Variants in TRAPPC12 observed in about 807,000 individuals in gnomAD.
TRAPPC12 encodes the protein TPR repeat protein 15.
Under a neutral mutation model 69.2 loss-of-function variants are expected in TRAPPC12, and 61 were observed. The observed-to-expected ratio is 0.88, with a 90% CI of 0.72 to 1.09. The LOEUF is 1.09. TRAPPC12 is among the 50% of genes least tolerant of loss of function. TRAPPC12 has a pLI of 0.00. For synonymous variants in TRAPPC12, 469 were observed against 438.9 expected, an observed-to-expected ratio of 1.07 and a Z score of -0.86; for missense variants, 1,101 against 1,016.4, an observed-to-expected ratio of 1.08 and a Z score of -1.13.
At chr2:3,425,030 T>C (rs2103061584) in intron 5 of TRAPPC12, among the ~76,000 whole-genome samples, 1 of 152,378 alleles carries the variant, frequency 6.6e-6, no homozygotes, top group South Asian at 2.1e-4. Context: ...GAACCAAACG[T>C]GTCCGTGCAT....
intron 6 of TRAPPC12, chr2:3,456,938 T>TACTTCAA (rs1665185251): frequency 2.8e-6 from 1 of 360,318 alleles, no homozygotes; most frequent in African/African-American, 2.2e-5. Context: ...CCATGTATGA[T>TACTTCAA]GTCTGCAGAT....
chr2:3,417,832 C>T (rs1662511724), intron 3 of TRAPPC12, among the ~76,000 whole-genome samples: 1 of 152,162 alleles, frequency 6.6e-6, no homozygotes, highest in East Asian at 1.9e-4. Context: ...CACCGGAGGT[C>T]AGGAGCTCGA....
intron 5 of TRAPPC12, among the ~76,000 whole-genome samples, chr2:3,426,550 G>C (rs992223176): frequency 2.6e-5 from 4 of 152,262 alleles, no homozygotes; most frequent in African/African-American, 9.6e-5. Flanking sequence ...GGTGGAGGAA[G>C]TGGGGCCAGA....
intron 9 of TRAPPC12, among the ~76,000 whole-genome samples, chr2:3,469,955 A>C (rs1483368771): frequency 6.6e-6 from 1 of 152,228 alleles, no homozygotes; most frequent in African/African-American, 2.4e-5. Flanking sequence ...TCTTATGTGC[A>C]TGGAGATACA....
intron 9 of TRAPPC12, among the ~76,000 whole-genome samples, chr2:3,473,246 C>T (rs1027804018): frequency 5.9e-5 from 9 of 152,006 alleles, no homozygotes; most frequent in South Asian, 4.2e-4. Context: ...CACGCCGGGA[C>T]GGGAAGAGGA....
At chr2:3,406,414 A>T (rs563170651) in intron 3 of TRAPPC12, among the ~76,000 whole-genome samples, 107 of 152,308 alleles carry the variant, frequency 7.0e-4, no homozygotes, top group African/African-American at 2.5e-3. Flanking sequence ...AAAGGTAAAC[A>T]AGCATCCCTT....
chr2:3,473,856 T>C (rs1162572567), intron 9 of TRAPPC12, among the ~76,000 whole-genome samples: 2 of 152,260 alleles, frequency 1.3e-5, no homozygotes, highest in East Asian at 3.8e-4. Context: ...CTGGGTTTTC[T>C]AGCTGACTAC....
At chr2:3,387,597 C>G in intron 1 of TRAPPC12, 23 bp from the exon 2 acceptor site, 1 of 1,496,206 alleles carries the variant, frequency 6.7e-7, no homozygotes, top group Non-Finnish European at 9.0e-7. Flanking sequence ...GCTCAGGGGC[C>G]TTCTCTCTGT....
At chr2:3,432,083 G>GA (rs1224698304) in intron 5 of TRAPPC12, among the ~76,000 whole-genome samples, 1 of 152,192 alleles carries the variant, frequency 6.6e-6, no homozygotes, top group Non-Finnish European at 1.5e-5. Context: ...CAACTAGAGG[G>GA]AAAATAGGAG....
chr2:3,425,823 G>A (rs1284501637), intron 5 of TRAPPC12, among the ~76,000 whole-genome samples: 3 of 152,204 alleles, frequency 2.0e-5, no homozygotes, highest in Non-Finnish European at 4.4e-5. Flanking sequence ...TCCTATAGAA[G>A]TCTCAGAAAA....
intron 8 of TRAPPC12, among the ~76,000 whole-genome samples, chr2:3,461,776 C>CT (rs1665519274): frequency 7.7e-6 from 1 of 130,644 alleles, no homozygotes; most frequent in African/African-American, 2.8e-5. Flanking sequence ...TGCAGCAGGG[C>CT]TTGCCCACCT....
rs368604120 is a variant in TRAPPC12 at position 3,388,310 on chromosome 2, C to T, written c.687C>T (p.Thr229=). Residue 229 remains threonine (T), a synonymous_variant, in exon 2 of 12, where the codon ACC becomes ACT. Coordinates refer to ENST00000324266, the MANE Select transcript of TRAPPC12 (RefSeq NM_016030.6). ...CGGACTTCTTCGACTCCTTTACTAC[C>T]TCCGCCTTCATTTCCGTCAGCAATC... ...LASDFFDSFT[T]SAFISVSNPG... The T allele has an allele frequency of 5.0e-6, 8 of 1,605,160 alleles. No homozygotes were observed. The African/African-American group carries it at 5.4e-5, about 11-fold the overall frequency.
rs1176558559 is a variant in TRAPPC12 at position 3,401,781 on chromosome 2, A to T, written c.1052A>T (p.Asp351Val). The T allele has an allele frequency of 1.3e-6, 2 of 1,572,318 alleles. No homozygotes were observed. Among genetic ancestry groups the T allele is most frequent in the South Asian group, 1.2e-5 (1 of 84,294 alleles). Residue 351 changes from aspartate to valine, a missense_variant, in exon 3 of 12, where the codon GAT (aspartate) becomes GTT (valine). Coordinates refer to ENST00000324266, the MANE Select transcript of TRAPPC12 (RefSeq NM_016030.6). ...TTTTTCTTCTATTCTTCCCAGGGAG[A>T]TGCAGTTAAAGACTTGATGCTTCGC... Reference protein sequence around the residue: ...PGLRFDNIQGDAVKDLMLRFL... With the variant: ...PGLRFDNIQGVAVKDLMLRFL...
intron 9 of TRAPPC12, among the ~76,000 whole-genome samples, chr2:3,477,184 TGC>T (rs1666330449): frequency 6.6e-6 from 1 of 152,188 alleles, no homozygotes; most frequent in Non-Finnish European, 1.5e-5. Flanking sequence ...TTTCCTGACA[TGC>T]GTGATAAGAG....
Position 3,388,481 on chromosome 2 carries a change from G to A in TRAPPC12, c.858G>A (p.Val286=). The change falls in exon 2 of 12, where the codon GTG becomes GTA. Residue 286 remains valine (V), a synonymous_variant. Coordinates refer to ENST00000324266, the MANE Select transcript of TRAPPC12 (RefSeq NM_016030.6). ...SPEPFAHIQA[V]FAGSDDPFAT... Reference sequence around the variant, plus strand: ...AGCCTTTCGCGCACATCCAGGCAGTGTTTGCAGGGAGTGACGACCCCTTTG... The same window carrying A: ...AGCCTTTCGCGCACATCCAGGCAGTATTTGCAGGGAGTGACGACCCCTTTG... 1 of 1,612,620 alleles carries A rather than the reference G, an allele frequency of 6.2e-7. No individual in the cohort carries two copies. The highest frequency in any genetic ancestry group is 2.2e-5 in the East Asian group (1 of 44,854).
At chr2:3,429,149 T>C (rs534469861) in intron 5 of TRAPPC12, among the ~76,000 whole-genome samples, 2 of 152,312 alleles carry the variant, frequency 1.3e-5, no homozygotes, top group Non-Finnish European at 1.5e-5. Flanking sequence ...GCCAACTGGC[T>C]GGGGGTTGTG....
chr2:3,465,478 TCCTGCGTCAG>T (rs1345821125), intron 8 of TRAPPC12, 109 bp from the exon 9 acceptor site: 1 of 700,352 alleles, frequency 1.4e-6, no homozygotes, highest in Non-Finnish European at 2.5e-6. Context: ...CCCCGCCAGC[TCCTGCGTCAG>T]CGTGTCCTCT....
intron 2 of TRAPPC12, among the ~76,000 whole-genome samples, chr2:3,392,658 G>C (rs1191419337): frequency 1.3e-5 from 2 of 152,240 alleles, no homozygotes; most frequent in African/African-American, 4.8e-5. Flanking sequence ...GAGATATCAT[G>C]GCTGTTAACC....
At chr2:3,458,858 C>T (rs576232118) in intron 7 of TRAPPC12, among the ~76,000 whole-genome samples, 11 of 152,226 alleles carry the variant, frequency 7.2e-5, no homozygotes, top group African/African-American at 2.2e-4. Context: ...AAGGAATCTG[C>T]AAAGATCATC....
Sources: gnomAD v4.1 joint callset for allele counts (sites outside exome capture counted in the v4.1 genomes callset) on GRCh38, gnomAD v4.1.1 for gene constraint, MANE v1.5 for transcripts, NCBI Gene and HGNC (gene_info 2026-07-23, HGNC 2026-07-21) for gene names.